Variants in ATP2C1 observed in about 807,000 individuals in gnomAD.
ATP2C1 encodes the protein calcium-transporting ATPase type 2C member 1.
Under a neutral mutation model 120.5 loss-of-function variants are expected in ATP2C1, and 31 were observed. That is an observed-to-expected ratio of 0.26 (90% confidence interval 0.19 to 0.35). The LOEUF is 0.35. Among genes scored for constraint, ATP2C1 ranks in the 10% least tolerant of loss-of-function variants. The pLI, the probability that ATP2C1 is intolerant of heterozygous loss-of-function variation, is 1.00. For missense variants in ATP2C1, 731 were observed against 1,107.5 expected (o/e 0.66, Z 4.83); for synonymous variants, 351 against 358.7 (o/e 0.98, Z 0.24).
At chr3:131,016,107 T>C in intron 26 of ATP2C1, 1 of 1,607,460 alleles carries the variant, frequency 6.2e-7, no homozygotes, top group Non-Finnish European at 8.5e-7. Context: ...TACTTTTGTG[T>C]GCTTCCATCT....
intron 8 of ATP2C1, among the ~76,000 whole-genome samples, chr3:130,942,132 C>T (rs535635121): frequency 1.4e-4 from 22 of 152,296 alleles, no homozygotes; most frequent in African/African-American, 5.3e-4. Context: ...GACCACATGG[C>T]TTTGGCAGTG....
intron 1 of ATP2C1, among the ~76,000 whole-genome samples, chr3:130,866,220 T>TAA (rs2307758): frequency 0.92 from 139,600 of 152,116 alleles, 64,201 homozygotes; most frequent in Non-Finnish European, 0.95. Context: ...AATGAAGACA[T>TAA]GTTTGTTTCA....
intron 20 of ATP2C1, among the ~76,000 whole-genome samples, chr3:130,989,247 C>CAAAAAAAAA (rs71133625): frequency 5.7e-5 from 7 of 121,940 alleles, no homozygotes; most frequent in South Asian, 2.9e-4. Flanking sequence ...AAATCCATCT[C>CAAAAAAAAA]AAAAAAAAAA....
downstream of ATP2C1, among the ~76,000 whole-genome samples, chr3:131,007,924 TAAC>T (rs1326832334): frequency 2.6e-5 from 4 of 152,368 alleles, no homozygotes; most frequent in African/African-American, 9.6e-5. Context: ...AGATCAATTT[TAAC>T]AAGCTATAAA....
chr3:131,004,724 A>G (rs771220549), downstream of ATP2C1, among the ~76,000 whole-genome samples: 1 of 152,256 alleles, frequency 6.6e-6, no homozygotes, highest in Non-Finnish European at 1.5e-5. Flanking sequence ...AAGTTGGGAA[A>G]CTCCAGCTGA....
At chr3:130,989,774 C>G (rs1413592687) in intron 20 of ATP2C1, among the ~76,000 whole-genome samples, 1 of 152,210 alleles carries the variant, frequency 6.6e-6, no homozygotes. Context: ...CACAACCTTT[C>G]ATTCGCTAAC....
upstream of ATP2C1, chr3:130,893,830 C>A: frequency 1.5e-6 from 1 of 675,300 alleles, no homozygotes; most frequent in Non-Finnish European, 1.8e-6. Flanking sequence ...CCAGCAAGAA[C>A]AAGGCGGGCC....
intron 24 of ATP2C1, 108 bp downstream of exon 24, chr3:130,996,904 A>G: frequency 1.2e-6 from 1 of 814,326 alleles, no homozygotes; most frequent in Non-Finnish European, 2.2e-6. Flanking sequence ...CTTTGCAGCA[A>G]ATGTTTTAAC....
intron 20 of ATP2C1, among the ~76,000 whole-genome samples, chr3:130,986,184 CTT>C (rs34877609): frequency 1.8e-4 from 24 of 135,118 alleles, no homozygotes; most frequent in Admixed American, 2.9e-4. Flanking sequence ...TTGAATAGGG[CTT>C]TTTTTTTTTT....
chr3:130,913,912 A>C (rs1483818915), intron 2 of ATP2C1, among the ~76,000 whole-genome samples: 2 of 152,132 alleles, frequency 1.3e-5, no homozygotes, highest in Non-Finnish European at 2.9e-5. Flanking sequence ...TACTTCTTTA[A>C]TCTTTAATTT....
rs139796417 is a variant in ATP2C1 at position 130,989,650 on chromosome 3, G to C, written c.1840-3301G>C. Among the ~76,000 whole-genome samples the C allele has an allele frequency of 4.8e-3, 733 of 151,400 alleles. 9 individuals are homozygous for C. The highest frequency in any genetic ancestry group is 0.017 in the African/African-American group (691 of 41,372). ...CTTGCTCGAGCCCGTTCTACTCTAT[G>C]GAGTGTACTTTTGCTTCAATAAGTT... is the stretch of plus-strand genomic sequence containing the variant. On this transcript the variant is annotated intron_variant, in intron 20 of 27. Coordinates refer to ENST00000510168, the MANE Select transcript of ATP2C1 (RefSeq NM_001378687.1).
chr3:130,994,744 C>G (rs1577028919), intron 22 of ATP2C1, among the ~76,000 whole-genome samples: 1 of 152,070 alleles, frequency 6.6e-6, no homozygotes, highest in East Asian at 1.9e-4. Context: ...CTTTATTACT[C>G]TGTTTTGGCC....
intron 14 of ATP2C1, among the ~76,000 whole-genome samples, chr3:130,966,881 C>T (rs1300758245): frequency 1.3e-5 from 2 of 152,062 alleles, no homozygotes; most frequent in Admixed American, 1.3e-4. Flanking sequence ...TGTATATTTT[C>T]ATAGCTTATT....
upstream of ATP2C1, among the ~76,000 whole-genome samples, chr3:130,892,758 A>C (rs2069229129): frequency 6.6e-6 from 1 of 152,162 alleles, no homozygotes; most frequent in South Asian, 2.1e-4. Context: ...GTTCATCTTT[A>C]AAAGTGACCT....
intron 21 of ATP2C1, 141 bp downstream of exon 21, chr3:130,993,142 C>G (rs1425034903): frequency 1.8e-5 from 12 of 673,680 alleles, no homozygotes; most frequent in African/African-American, 5.5e-5. Flanking sequence ...TTTGTAAGAG[C>G]TTGACATAGA....
chr3:130,937,335 T>A, intron 5 of ATP2C1, 93 bp from the exon 6 acceptor site: 1 of 1,042,986 alleles, frequency 9.6e-7, no homozygotes, highest in South Asian at 1.3e-5. Context: ...AAATCTGTTA[T>A]TGTGGGACTG....
In ATP2C1 at chr3:131,010,277, G is replaced by A. The variant is rs1052597879; in HGVS notation, c.2630-5875G>A. Among the ~76,000 whole-genome samples, 14 of 145,298 alleles carry A rather than the reference G, an allele frequency of 9.6e-5. 1 individual carries two copies. The highest frequency in any genetic ancestry group is 3.6e-4 in the African/African-American group (14 of 38,914). On this transcript the variant is annotated intron_variant, in intron 26 of 26. Transcript: ENST00000328560. The stretch of plus-strand genomic sequence containing the variant: ...ACGATCTCGGCTCACTGCAAGCTCT[G>A]CATCCCGGGTTCACACCATTCTCCG...
rs547596742 is a variant in ATP2C1, at chr3:130,986,840, G to A, written c.1840-6111G>A. ...CATGTGACCCTTTTATAGCCAATAT[G>A]TTTATTTGGCCTTCAGCTTTTTGAT... is the stretch of plus-strand genomic sequence containing the variant. On this transcript the variant is annotated intron_variant, in intron 20 of 27. Transcript: ENST00000510168. Among the ~76,000 whole-genome samples, 225 of 151,480 alleles carry A rather than the reference G, an allele frequency of 1.5e-3. 1 individual carries two copies. Among genetic ancestry groups the A allele is most frequent in the Middle Eastern group, 0.014 (4 of 294 alleles).
intron 8 of ATP2C1, among the ~76,000 whole-genome samples, chr3:130,945,569 A>AG (rs748531224): frequency 3.7e-5 from 5 of 136,626 alleles, no homozygotes; most frequent in Non-Finnish European, 6.1e-5. Context: ...CCCGTGTCCA[A>AG]GTGTTCTCAT....
Sources: gnomAD v4.1 joint callset for allele counts (sites outside exome capture counted in the v4.1 genomes callset) on GRCh38, gnomAD v4.1.1 for gene constraint, MANE v1.5 for transcripts, NCBI Gene and HGNC (gene_info 2026-07-23, HGNC 2026-07-21) for gene names.